The following TNR variants were observed in gnomAD, a reference collection of about 807,000 sequenced individuals.
TNR encodes the protein tenascin R.
Under a neutral mutation model 150.4 loss-of-function variants are expected in TNR, and 45 were observed. That is an observed-to-expected ratio of 0.30 (90% CI 0.24 to 0.38). The LOEUF (loss-of-function observed/expected upper bound fraction) is 0.38, where lower values mean the gene tolerates loss of function less well. Ranked by LOEUF, TNR falls within the 10% of genes least tolerant of loss-of-function variation. TNR has a pLI of 1.00. For missense variants in TNR, 1,544 were observed against 1,759.1 expected (o/e 0.88, Z 2.19); for synonymous variants, 687 against 678.4 (o/e 1.01, Z -0.20).
chr1:175,650,787 T>C (rs1250011325), intron 1 of TNR, among the ~76,000 whole-genome samples: 3 of 33,646 alleles, frequency 8.9e-5, no homozygotes, highest in Non-Finnish European at 1.7e-4. Context: ...TCATTACTCC[T>C]CCTCCCCCAT....
intron 10 of TNR, 68 bp downstream of exon 10, chr1:175,367,140 C>G: frequency 6.9e-7 from 1 of 1,442,462 alleles, no homozygotes. Flanking sequence ...TTTGCTGGGA[C>G]GAGCCTCCAT....
chr1:175,553,816 A>AC (rs60039759), intron 1 of TNR, among the ~76,000 whole-genome samples: 73,867 of 145,576 alleles, frequency 0.51, 18,771 homozygotes, highest in East Asian at 0.67. Context: ...ATACAAGAAC[A>AC]AACACACACA....
rs1341226203 is a variant in TNR at position 175,356,476 on chromosome 1, A to G, written c.2975-14T>C. 1 of 1,613,622 alleles carries G rather than the reference A, an allele frequency of 6.2e-7. No homozygotes were observed. Among genetic ancestry groups the G allele is most frequent in the Non-Finnish European group, 8.5e-7 (1 of 1,179,718 alleles). On this transcript the variant is annotated splice_polypyrimidine_tract_variant and intron_variant, in intron 15 of 22. Coordinates refer to ENST00000367674, the MANE Select transcript of TNR (RefSeq NM_003285.3). ...TCTCTCCAGCGACTGAACTCAAATG[A>G]ATATGAATAAGGGTTGAATAAGGCT...
intron 1 of TNR, among the ~76,000 whole-genome samples, chr1:175,676,318 G>A (rs1665864485): frequency 6.6e-6 from 1 of 152,156 alleles, no homozygotes; most frequent in African/African-American, 2.4e-5. Flanking sequence ...TTGAACATCA[G>A]TTTCTGGAGG....
chr1:175,362,767 T>C lies in TNR; in HGVS notation c.2750A>G (p.Glu917Gly). Residue 917 changes from glutamate to glycine, a missense_variant, in exon 14 of 23, where the codon GAA (glutamate) becomes GGA (glycine). Glu to Gly is a moderately conservative substitution (Grantham distance 98). Around this residue, in one of 2 missense-constraint regions of TNR, gnomAD observed 1,254 missense variants for 1,329.4 expected, o/e 0.94. Transcript: ENST00000367674. Reference sequence around the variant, plus strand: ...TGGGTTCAGTCTGGTGATGGTGAATTCTGTCACAGTGTTGGGCACCACTGA... The same window carrying C: ...TGGGTTCAGTCTGGTGATGGTGAATCCTGTCACAGTGTTGGGCACCACTGA... Reference protein sequence around the residue: ...DSSVVPNTVTEFTITRLNPAT... With the variant: ...DSSVVPNTVTGFTITRLNPAT... The C allele has an allele frequency of 1.2e-6, 2 of 1,614,112 alleles. No homozygotes were observed. The highest frequency in any genetic ancestry group is 1.7e-6 in the Non-Finnish European group (2 of 1,179,992).
At chr1:175,341,225 A>G (rs1650510108) in intron 18 of TNR, among the ~76,000 whole-genome samples, 1 of 152,202 alleles carries the variant, frequency 6.6e-6, no homozygotes, top group African/African-American at 2.4e-5. Flanking sequence ...CTCTGACCCC[A>G]ACATATATCA....
At chr1:175,710,050 A>G (rs1368430926) in intron 1 of TNR, among the ~76,000 whole-genome samples, 1 of 152,164 alleles carries the variant, frequency 6.6e-6, no homozygotes, top group African/African-American at 2.4e-5. Flanking sequence ...AGGAAAAAGT[A>G]TGATTCGACT....
chr1:175,327,937 A>T (rs1649504584), intron 21 of TNR, among the ~76,000 whole-genome samples: 1 of 152,090 alleles, frequency 6.6e-6, no homozygotes, highest in Non-Finnish European at 1.5e-5. Context: ...GCAAAACCCC[A>T]TCTCTACTAA....
intron 1 of TNR, among the ~76,000 whole-genome samples, chr1:175,573,659 G>A (rs1057390246): frequency 2.0e-5 from 3 of 152,232 alleles, no homozygotes; most frequent in African/African-American, 7.2e-5. Context: ...CCATAAACCT[G>A]GCAAAGCTTA....
chr1:175,536,463 A>C (rs1452300328), intron 1 of TNR, among the ~76,000 whole-genome samples: 2 of 152,236 alleles, frequency 1.3e-5, no homozygotes, highest in Non-Finnish European at 2.9e-5. Context: ...CCCATTTTAC[A>C]GTCAGGAAAC....
intron 1 of TNR, among the ~76,000 whole-genome samples, chr1:175,601,952 A>G (rs1663253920): frequency 6.6e-6 from 1 of 152,164 alleles, no homozygotes; most frequent in South Asian, 2.1e-4. Flanking sequence ...AGGTATCTTC[A>G]GAGGACACAC....
chr1:175,600,247 T>C (rs141649729), intron 1 of TNR, among the ~76,000 whole-genome samples: 13 of 152,254 alleles, frequency 8.5e-5, no homozygotes, highest in African/African-American at 2.9e-4. Flanking sequence ...ATGCCTGGCA[T>C]ATAGTAAGAA....
chr1:175,500,755 G>A (rs1387240626), intron 2 of TNR, among the ~76,000 whole-genome samples: 4 of 152,344 alleles, frequency 2.6e-5, no homozygotes, highest in African/African-American at 9.6e-5. Context: ...CAGAAGGGAA[G>A]TCTCCCTGTT....
chr1:175,501,874 A>G (rs1251880872), intron 2 of TNR, among the ~76,000 whole-genome samples: 2 of 152,118 alleles, frequency 1.3e-5, no homozygotes, highest in African/African-American at 4.8e-5. Context: ...CACAGTGGTG[A>G]CCTGAGCACA....
intron 1 of TNR, among the ~76,000 whole-genome samples, chr1:175,639,987 ACTT>A (rs1266259685): frequency 6.6e-6 from 1 of 152,198 alleles, no homozygotes; most frequent in Admixed American, 6.5e-5. Flanking sequence ...AAGTGCAAGG[ACTT>A]CTTCTGTTTA....
intron 18 of TNR, among the ~76,000 whole-genome samples, chr1:175,347,509 C>T (rs1445493688): frequency 6.6e-6 from 1 of 152,036 alleles, no homozygotes. Flanking sequence ...CTCACAGCAG[C>T]CTCCGCCTCC....
At chr1:175,458,858 G>GTGA (rs1656684223) in intron 2 of TNR, among the ~76,000 whole-genome samples, 1 of 151,996 alleles carries the variant, frequency 6.6e-6, no homozygotes, top group Non-Finnish European at 1.5e-5. Flanking sequence ...CACCATCACT[G>GTGA]TCAGCATTAT....
rs547713508 is a variant in TNR at position 175,735,729 on chromosome 1, T to A, written c.-165+7497A>T. 5.9e-5 allele frequency among the ~76,000 whole-genome samples: 9 copies of A among 152,266 alleles called. No individual in the cohort carries two copies. In the East Asian group the frequency reaches 1.7e-3, roughly 29 times the overall value. On this transcript the variant is annotated intron_variant, in intron 1 of 22. Transcript: ENST00000367674. ...AAAATTATAAAGGAAGGGAAAATGT[T>A]TCATAAATAAAATTCAGAATGGTAG... is the stretch of plus-strand genomic sequence containing the variant.
intron 1 of TNR, among the ~76,000 whole-genome samples, chr1:175,739,000 A>G (rs1167474284): frequency 1.3e-5 from 2 of 152,170 alleles, no homozygotes; most frequent in African/African-American, 2.4e-5. Flanking sequence ...GTATTTCTGT[A>G]TTAGGGAGTC....
Sources: gnomAD v4.1 joint callset for allele counts (sites outside exome capture counted in the v4.1 genomes callset) on GRCh38, gnomAD v4.1.1 for gene constraint, gnomAD v4.1.1 regional missense constraint, MANE v1.5 for transcripts, NCBI Gene and HGNC (gene_info 2026-07-23, HGNC 2026-07-21) for gene names.